IDH3A: variants seen among roughly 807,000 people sequenced by gnomAD.
IDH3A encodes the protein isocitrate dehydrogenase [NAD] subunit alpha, mitochondrial.
A neutral mutation model predicts 43.3 loss-of-function variants in IDH3A; 23 were observed. The observed-to-expected ratio is 0.53, with a 90% CI of 0.38 to 0.75. The LOEUF (loss-of-function observed/expected upper bound fraction) is 0.75, where lower values mean the gene tolerates loss of function less well. IDH3A is among the 30% of genes least tolerant of loss of function. IDH3A has a pLI of 0.00. For missense variants in IDH3A, 329 were observed against 474.4 expected, an observed-to-expected ratio of 0.69 and a Z score of 2.85; for synonymous variants, 154 against 163.5, an observed-to-expected ratio of 0.94 and a Z score of 0.44.
At chr15:78,166,475 G>T (rs1036952508) in intron 10 of IDH3A, 173 bp downstream of exon 10, 1 of 678,858 alleles carries the variant, frequency 1.5e-6, no homozygotes, top group Non-Finnish European at 2.6e-6. Context: ...GTGCACATGT[G>T]TGCATTTTCT....
In IDH3A at chr15:78,160,449, C is replaced by CTA. The variant is rs1422169931; in HGVS notation, c.289+251_289+252dup. ...AACAGTATCTCTATTTAATCTTCAA[C>CTA]TATATATATCTTTTGCTTAATTTTT... On this transcript the variant is annotated intron_variant, in intron 4 of 10. Transcript: ENST00000299518. Among the ~76,000 whole-genome samples, 8 of 152,166 alleles carry CTA rather than the reference C, an allele frequency of 5.3e-5. No homozygotes were observed. In the South Asian group the frequency reaches 8.3e-4, roughly 16 times the overall value.
In IDH3A at chr15:78,170,059, C is replaced by T. The variant is rs2074800809; in HGVS notation, c.*1054C>T. On this transcript the variant is annotated 3_prime_UTR_variant, in exon 11 of 11. Coordinates refer to ENST00000299518, the MANE Select transcript of IDH3A (RefSeq NM_005530.3). ...AGCAGTACCAGTATAAGATGACATT[C>T]CAAAGACTGGAGGCAACTCAGCCTG... is the stretch of plus-strand genomic sequence containing the variant. 6.6e-6 allele frequency: 1 copy of T among 152,226 alleles called. No individual in the cohort carries two copies. Among genetic ancestry groups the T allele is most frequent in the Non-Finnish European group, 1.5e-5 (1 of 68,042 alleles). 9.4% of individuals were successfully genotyped at this position (152,226 alleles called of 1,614,324 possible).
At chr15:78,149,586 C>T (rs2074555890) in intron 1 of IDH3A, among the ~76,000 whole-genome samples, 156 bp downstream of exon 1, 1 of 152,144 alleles carries the variant, frequency 6.6e-6, no homozygotes, top group Non-Finnish European at 1.5e-5. Context: ...GTCGCCCGTG[C>T]CCCGCGCTCC....
intron 2 of IDH3A, chr15:78,156,926 A>G: frequency 7.4e-7 from 1 of 1,351,910 alleles, no homozygotes; most frequent in Non-Finnish European, 9.8e-7. Flanking sequence ...TGCCAAGCTT[A>G]TGTAGATTAC....
At chr15:78,164,714 C>T (rs2074720488) in intron 8 of IDH3A, among the ~76,000 whole-genome samples, 1 of 152,182 alleles carries the variant, frequency 6.6e-6, no homozygotes, top group African/African-American at 2.4e-5. Context: ...AATATTGATG[C>T]ATAGGTTGTC....
rs2074816882 is a variant in IDH3A at position 78,171,178 on chromosome 15, C to A, written c.*2173C>A. Reference sequence around the variant, plus strand: ...GCCAAAAATTATCAGCCCTTTCGTTCTGGAAGGAGAGCTGATCTCATTTGT... The same window carrying A: ...GCCAAAAATTATCAGCCCTTTCGTTATGGAAGGAGAGCTGATCTCATTTGT... On this transcript the variant is annotated 3_prime_UTR_variant, in exon 11 of 11. Transcript: ENST00000299518. The A allele has an allele frequency of 3.3e-6, 1 of 302,564 alleles. No individual in the cohort carries two copies. Among genetic ancestry groups the A allele is most frequent in the African/African-American group, 2.1e-5 (1 of 46,534 alleles). The allele number at this position is 302,564 out of a possible 1,614,324, so 18.7% of individuals were successfully genotyped here. A position where few individuals can be genotyped will look rare whatever the true frequency, so the allele number is the denominator to read the frequency against.
chr15:78,160,073 TC>T lies in IDH3A; in HGVS notation c.175-18del. ...TTTAAGTCTCTCCAGCTCACTGTGC[TC>T]TGTGATGTGGCATCTAGGCACCTAT... On this transcript the variant is annotated intron_variant, in intron 3 of 10. Coordinates refer to ENST00000299518, the MANE Select transcript of IDH3A (RefSeq NM_005530.3). 1.4e-6 allele frequency: 2 copies of T among 1,422,710 alleles called. No individual in the cohort carries two copies. The highest frequency in any genetic ancestry group is 2.0e-6 in the Non-Finnish European group (2 of 1,005,304). 88.1% of individuals were successfully genotyped at this position (1,422,710 alleles called of 1,614,324 possible).
chr15:78,152,926 GT>G (rs914607056), intron 1 of IDH3A, among the ~76,000 whole-genome samples: 2 of 150,696 alleles, frequency 1.3e-5, no homozygotes, highest in Non-Finnish European at 1.5e-5. Context: ...TTGTTGTTTT[GT>G]TTTTTTTTAA....
At chr15:78,158,463 A>ATTT (rs67298643) in intron 3 of IDH3A, among the ~76,000 whole-genome samples, 5 of 67,378 alleles carry the variant, frequency 7.4e-5, no homozygotes, top group Non-Finnish European at 1.2e-4. Flanking sequence ...ATATATATAT[A>ATTT]TTTTTTTTTT....
At position 78,162,519 on chromosome 15, in the gene IDH3A, T is replaced by G. The variant is rs866329173; in HGVS notation, c.611+152T>G. On this transcript the variant is annotated intron_variant, in intron 6 of 10. Transcript: ENST00000299518. ...ATCCAAAGATACGGCATCTCTCTTCTGTCGGAGTCTCCTCTTTTCTCCTCT... is the reference window on the plus strand; with the variant it reads ...ATCCAAAGATACGGCATCTCTCTTCGGTCGGAGTCTCCTCTTTTCTCCTCT... 42 of 716,128 alleles carry G rather than the reference T, an allele frequency of 5.9e-5. 1 individual carries two copies. In the Middle Eastern group the frequency reaches 1.2e-3, roughly 21 times the overall value. 44.4% of individuals were successfully genotyped at this position (716,128 alleles called of 1,614,324 possible).
chr15:78,166,111 T>G, intron 9 of IDH3A, 39 bp from the exon 10 acceptor site: 1 of 1,597,758 alleles, frequency 6.3e-7, no homozygotes, highest in Non-Finnish European at 8.6e-7. Context: ...TGTTAGTTTT[T>G]GTCTCTCCCT....
chr15:78,156,623 G>A (rs535906510), intron 2 of IDH3A, among the ~76,000 whole-genome samples: 2 of 152,334 alleles, frequency 1.3e-5, no homozygotes, highest in African/African-American at 4.8e-5. Context: ...ACTTGAATTA[G>A]TGACTTTTTA....
chr15:78,161,922 C>T lies in IDH3A; in HGVS notation c.477+154C>T, dbSNP rs1275913149. Among the ~76,000 whole-genome samples, 1 of 152,106 alleles carries T rather than the reference C, an allele frequency of 6.6e-6. No homozygotes were observed. The highest frequency in any genetic ancestry group is 2.4e-5 in the African/African-American group (1 of 41,394). On this transcript the variant is annotated intron_variant, in intron 5 of 10. Coordinates refer to ENST00000299518, the MANE Select transcript of IDH3A (RefSeq NM_005530.3). The surrounding 1 kb of genome is among the most constrained non-coding windows in gnomAD (Gnocchi z 4.8). ...TGACAGTACTCAAACAAATGTAAGG[C>T]ATGGTGGTTCGCGTCACAAGCTTGG...
At position 78,161,362 on chromosome 15, in the gene IDH3A, T is replaced by C. The variant is rs1419400934; in HGVS notation, c.290-219T>C. Among the ~76,000 whole-genome samples, 2 of 152,228 alleles carry C rather than the reference T, an allele frequency of 1.3e-5. No homozygotes were observed. Among genetic ancestry groups the C allele is most frequent in the Non-Finnish European group, 2.9e-5 (2 of 68,042 alleles). On this transcript the variant is annotated intron_variant, in intron 4 of 10. Coordinates refer to ENST00000299518, the MANE Select transcript of IDH3A (RefSeq NM_005530.3). This position sits in a 1 kb window ranked among gnomAD's most constrained non-coding sequence, Gnocchi z 4.8. ...TAAGGATTATATCATGTCAAGCACATGATTACAATGCTTGATCCTCAGGAA... is the reference window on the plus strand; with the variant it reads ...TAAGGATTATATCATGTCAAGCACACGATTACAATGCTTGATCCTCAGGAA...
chr15:78,171,352 T>A lies in IDH3A; in HGVS notation c.*2347T>A. ...GGAGATCTAACAGACTTGGCAGAAA[T>A]GCCTGTGCCCAGACTGAAGAGACCT... is the stretch of plus-strand genomic sequence containing the variant. On this transcript the variant is annotated 3_prime_UTR_variant, in exon 11 of 11. Transcript: ENST00000299518. 1 of 1,040,754 alleles carries A rather than the reference T, an allele frequency of 9.6e-7. No individual in the cohort carries two copies. The highest frequency in any genetic ancestry group is 1.4e-6 in the Non-Finnish European group (1 of 697,008). The allele number at this position is 1,040,754 out of a possible 1,614,324, so 64.5% of individuals were successfully genotyped here. A position where few individuals can be genotyped will look rare whatever the true frequency, so the allele number is the denominator to read the frequency against.
chr15:78,152,049 A>ATT (rs574440056), intron 1 of IDH3A, among the ~76,000 whole-genome samples: 9 of 65,784 alleles, frequency 1.4e-4, no homozygotes, highest in East Asian at 4.6e-4. Context: ...ACTCATGTCA[A>ATT]TTTTTTTTTT....
chr15:78,168,083 A>T (rs1369734775), intron 10 of IDH3A: 1 of 152,136 alleles, frequency 6.6e-6, no homozygotes, highest in Non-Finnish European at 1.5e-5. Context: ...AAGCTGGTAG[A>T]ACAGATCAGT....
At chr15:78,158,425 A>C (rs2074644878) in intron 3 of IDH3A, among the ~76,000 whole-genome samples, 1 of 137,522 alleles carries the variant, frequency 7.3e-6, no homozygotes, top group Non-Finnish European at 1.5e-5. Context: ...TGGTACATTC[A>C]TAGGTTATGC....
intron 1 of IDH3A, among the ~76,000 whole-genome samples, chr15:78,153,112 CT>C (rs1359656445): frequency 3.9e-5 from 6 of 151,908 alleles, no homozygotes; most frequent in African/African-American, 1.5e-4. Flanking sequence ...TTCTTTCTTT[CT>C]TTTTTTCTTT....
Sources: gnomAD v4.1 joint callset for allele counts (sites outside exome capture counted in the v4.1 genomes callset) on GRCh38, gnomAD v4.1.1 for gene constraint, Gnocchi (gnomAD v3.1) non-coding constraint, MANE v1.5 for transcripts, NCBI Gene and HGNC (gene_info 2026-07-23, HGNC 2026-07-21) for gene names.